SETD3: variants seen among roughly 807,000 people sequenced by gnomAD.
The protein encoded by SETD3 is SET domain containing 3, actin N3(tau)-histidine methyltransferase, also known as actin-histidine N-methyltransferase.
In SETD3, 19 loss-of-function variants were observed where a neutral mutation model predicts 63.0. The ratio of observed to expected loss-of-function variants is 0.30; its 90% CI spans 0.21 to 0.44. SETD3 has a LOEUF of 0.44. Among genes scored for constraint, SETD3 ranks in the 20% least tolerant of loss-of-function variants. SETD3 has a pLI of 1.00. For missense variants in SETD3, 587 were observed against 728.5 expected, an observed-to-expected ratio of 0.81 and a Z score of 2.24; for synonymous variants, 286 against 264.1, an observed-to-expected ratio of 1.08 and a Z score of -0.80.
intron 1 of SETD3, among the ~76,000 whole-genome samples, chr14:99,468,368 C>T (rs1207798607): frequency 6.6e-6 from 1 of 152,100 alleles, no homozygotes; most frequent in Non-Finnish European, 1.5e-5. Context: ...GTCCCTGCTG[C>T]TTAAATCTAC....
chr14:99,444,844 A>C (rs1364241262), intron 6 of SETD3, among the ~76,000 whole-genome samples: 1 of 152,196 alleles, frequency 6.6e-6, no homozygotes, highest in Non-Finnish European at 1.5e-5. Flanking sequence ...CAAAAAAAAA[A>C]AAACAACTTG....
At chr14:99,403,455 A>ACTCTCTCTCTCTCTCT (rs55804663) in intron 11 of SETD3, among the ~76,000 whole-genome samples, 131 of 135,522 alleles carry the variant, frequency 9.7e-4, no homozygotes, top group African/African-American at 3.4e-3. Flanking sequence ...ACACACACAC[A>ACTCTCTCTCTCTCTCT]CTCTCTCTCT....
chr14:99,409,769 A>G (rs1891878240), intron 8 of SETD3: 1 of 153,024 alleles, frequency 6.5e-6, no homozygotes, highest in Non-Finnish European at 1.5e-5. Flanking sequence ...AAATTTGGAA[A>G]ATATTTTTTA....
At chr14:99,430,980 A>G (rs183078492) in intron 6 of SETD3, among the ~76,000 whole-genome samples, 9 of 152,360 alleles carry the variant, frequency 5.9e-5, no homozygotes, top group Admixed American at 5.9e-4. Context: ...GCCAGACACA[A>G]TAAAATGTCC....
intron 6 of SETD3, among the ~76,000 whole-genome samples, chr14:99,438,026 T>C (rs568897097): frequency 1.3e-5 from 2 of 152,352 alleles, no homozygotes; most frequent in Admixed American, 6.5e-5. Context: ...TCAAAGCCGA[T>C]GGCAGCATTT....
At position 99,400,165 on chromosome 14, in the gene SETD3, G is replaced by C. The variant is rs796526399; in HGVS notation, c.1272C>G (p.Val424=). The C allele has an allele frequency of 8.1e-6, 13 of 1,614,124 alleles. No individual in the cohort carries two copies. In the African/African-American group the frequency reaches 1.1e-4, roughly 13 times the overall value. ...SEFPVSWDNE[V]KLWTFLEDRA... is the part of the protein sequence containing the mutation. ...TATCTTCAAGAAATGTCCAAAGTTT[G>C]ACCTCGTTGTCCCAGCTAACAGGAA... The change falls in exon 12 of 13, where the codon GTC becomes GTG. Residue 424 remains valine (V), a synonymous_variant. Transcript: ENST00000331768.
At chr14:99,461,437 G>A in intron 3 of SETD3, 97 bp from the exon 4 acceptor site, 9 of 1,241,690 alleles carry the variant, frequency 7.2e-6, no homozygotes, top group Non-Finnish European at 1.0e-5. Context: ...AACTAACACT[G>A]GAAATAGTCT....
intron 6 of SETD3, among the ~76,000 whole-genome samples, 159 bp from the exon 7 acceptor site, chr14:99,414,093 T>C (rs745936077): frequency 2.0e-5 from 3 of 152,266 alleles, no homozygotes; most frequent in Non-Finnish European, 4.4e-5. Context: ...CATCGCGCTG[T>C]TATGCTCTCA....
intron 3 of SETD3, 83 bp downstream of exon 3, chr14:99,463,403 C>A (rs1895184947): frequency 1.4e-5 from 14 of 1,001,158 alleles, no homozygotes; most frequent in South Asian, 7.1e-5. Context: ...GATGCTGAGA[C>A]CTTTACTACT....
intron 6 of SETD3, among the ~76,000 whole-genome samples, chr14:99,430,978 C>A (rs1428801107): frequency 6.6e-6 from 1 of 152,172 alleles, no homozygotes; most frequent in Non-Finnish European, 1.5e-5. Context: ...GTGCCAGACA[C>A]AATAAAATGT....
At chr14:99,449,131 G>A (rs1171841965) in intron 6 of SETD3, among the ~76,000 whole-genome samples, 2 of 152,190 alleles carry the variant, frequency 1.3e-5, no homozygotes, top group African/African-American at 4.8e-5. Context: ...TGTGGAAGAA[G>A]GGACAGCTCT....
intron 6 of SETD3, among the ~76,000 whole-genome samples, chr14:99,456,656 C>A (rs1257655605): frequency 1.3e-5 from 2 of 152,122 alleles, no homozygotes; most frequent in African/African-American, 4.8e-5. Context: ...TCTAAGGAAG[C>A]TTATTTCAGG....
chr14:99,404,155 C>G, intron 11 of SETD3, 70 bp downstream of exon 11: 1 of 1,253,982 alleles, frequency 8.0e-7, no homozygotes, highest in Non-Finnish European at 1.1e-6. Flanking sequence ...TAATCTGAAT[C>G]CCTATGCTTT....
chr14:99,405,393 A>G (rs1184009397), intron 9 of SETD3, 22 bp from the exon 10 acceptor site: 5 of 1,607,276 alleles, frequency 3.1e-6, no homozygotes. Flanking sequence ...TAAAGAAAAA[A>G]GAAAAGGGCA....
rs1233242123 is a variant in SETD3, at chr14:99,398,513, A to T, written c.*166T>A. ...AGATGGCAATCTTAATCAAAAAGGG[A>T]AGCTAGATTTTTAAAATAACTTAAA... On this transcript the variant is annotated 3_prime_UTR_variant, in exon 13 of 13. Coordinates refer to ENST00000331768, the MANE Select transcript of SETD3 (RefSeq NM_032233.3). 1.5e-6 allele frequency: 1 copy of T among 650,702 alleles called. No homozygotes were observed. The highest frequency in any genetic ancestry group is 1.8e-5 in the African/African-American group (1 of 54,938). The allele number at this position is 650,702 out of a possible 1,614,324, so 40.3% of individuals were successfully genotyped here.
upstream of SETD3, among the ~76,000 whole-genome samples, chr14:99,485,197 G>A (rs778487776): frequency 6.6e-6 from 1 of 152,164 alleles, no homozygotes; most frequent in Non-Finnish European, 1.5e-5. Flanking sequence ...AACCTAAAGG[G>A]ACCAGGAGTT....
At chr14:99,402,491 C>T (rs1337043072) in intron 11 of SETD3, among the ~76,000 whole-genome samples, 5 of 152,166 alleles carry the variant, frequency 3.3e-5, no homozygotes, top group African/African-American at 4.8e-5. Context: ...AGCAAGATCA[C>T]GGCTCACTGC....
At chr14:99,410,049 G>GT in intron 8 of SETD3, 2 of 625,778 alleles carry the variant, frequency 3.2e-6, no homozygotes, top group East Asian at 2.7e-5. Context: ...AGAGGGAAAT[G>GT]TAACAGGACA....
intron 8 of SETD3, among the ~76,000 whole-genome samples, chr14:99,407,984 A>G (rs1465292950): frequency 6.6e-6 from 1 of 152,178 alleles, no homozygotes; most frequent in Non-Finnish European, 1.5e-5. Context: ...TGTCTTTTAG[A>G]GCAGCGCCCA....
Sources: allele counts gnomAD v4.1 joint callset (sites outside exome capture counted in the v4.1 genomes callset), GRCh38; gene constraint gnomAD v4.1.1; transcripts MANE v1.5; gene names NCBI Gene and HGNC (gene_info 2026-07-23, HGNC 2026-07-21).